Variants in L3MBTL4 observed in about 807,000 individuals in gnomAD.
L3MBTL4 encodes lethal(3)malignant brain tumor-like protein 4.
L3MBTL4 carries 70 observed loss-of-function variants against 84.5 expected under a neutral mutation model. The observed-to-expected ratio is 0.83, with a 90% confidence interval of 0.68 to 1.01. L3MBTL4 has a LOEUF of 1.01. Among genes scored for constraint, L3MBTL4 ranks in the 50% least tolerant of loss-of-function variants. L3MBTL4 has a pLI of 0.00. For missense variants in L3MBTL4, 715 were observed against 754.8 expected (o/e 0.95, Z 0.62); for synonymous variants, 274 against 259.8 (o/e 1.05, Z -0.52).
chr18:6,061,886 T>C (rs1195139170), intron 16 of L3MBTL4, among the ~76,000 whole-genome samples: 1 of 151,948 alleles, frequency 6.6e-6, no homozygotes, highest in Non-Finnish European at 1.5e-5. Flanking sequence ...AAGCACCTTA[T>C]AGCAGAATAT....
chr18:6,189,863 A>G (rs1009136827), intron 12 of L3MBTL4, among the ~76,000 whole-genome samples: 21 of 152,188 alleles, frequency 1.4e-4, no homozygotes, highest in African/African-American at 5.1e-4. Context: ...TAAAAGTAGA[A>G]GAGTTCATGA....
intron 14 of L3MBTL4, among the ~76,000 whole-genome samples, chr18:6,105,086 G>A (rs2058957441): frequency 6.6e-6 from 1 of 151,418 alleles, no homozygotes; most frequent in African/African-American, 2.4e-5. Flanking sequence ...TTTCTTTCAA[G>A]AGAATATGAT....
Position 5,956,098 on chromosome 18 carries a change from T to A in L3MBTL4, c.*122A>T, listed in dbSNP as rs759392264. 117 of 855,936 alleles carry A rather than the reference T, an allele frequency of 1.4e-4. No homozygotes were observed. The highest frequency in any genetic ancestry group is 7.2e-4 in the Middle Eastern group (2 of 2,766). 53.0% of individuals were successfully genotyped at this position (855,936 alleles called of 1,614,324 possible). Reference sequence around the variant, plus strand: ...AAACATGTAAACAAATCACAGACACTTTAAAAAGTCCAGATTCAGTGTGGA... The same window carrying A: ...AAACATGTAAACAAATCACAGACACATTAAAAAGTCCAGATTCAGTGTGGA... On this transcript the variant is annotated 3_prime_UTR_variant, in exon 19 of 19. Coordinates refer to ENST00000317931, the MANE Select transcript of L3MBTL4 (RefSeq NM_001330559.2).
At chr18:5,991,205 C>A (rs1490009332) in intron 16 of L3MBTL4, among the ~76,000 whole-genome samples, 1 of 152,200 alleles carries the variant, frequency 6.6e-6, no homozygotes, top group Non-Finnish European at 1.5e-5. Context: ...CATGCCCGTA[C>A]ATGACTTTCA....
At chr18:6,339,534 T>G (rs2052507206) in intron 1 of L3MBTL4, among the ~76,000 whole-genome samples, 1 of 152,118 alleles carries the variant, frequency 6.6e-6, no homozygotes, top group Non-Finnish European at 1.5e-5. Context: ...ATTATCATCA[T>G]GAGCTAGAAA....
At chr18:6,152,106 C>T (rs949300159) in intron 13 of L3MBTL4, among the ~76,000 whole-genome samples, 1 of 152,006 alleles carries the variant, frequency 6.6e-6, no homozygotes, top group African/African-American at 2.4e-5. Flanking sequence ...TGTACAATAC[C>T]GTATGTTCTT....
chr18:6,335,092 T>C (rs1219069134), intron 1 of L3MBTL4, among the ~76,000 whole-genome samples: 1 of 152,172 alleles, frequency 6.6e-6, no homozygotes, highest in African/African-American at 2.4e-5. Context: ...TTATTTTACT[T>C]TATTTATTCA....
intron 5 of L3MBTL4, among the ~76,000 whole-genome samples, chr18:6,255,905 T>C (rs1321886616): frequency 6.6e-6 from 1 of 152,194 alleles, no homozygotes; most frequent in Admixed American, 6.5e-5. Flanking sequence ...CTGCATTTTA[T>C]AAAAGTACTA....
intron 4 of L3MBTL4, among the ~76,000 whole-genome samples, chr18:6,288,747 A>G (rs2049710664): frequency 6.6e-6 from 1 of 152,064 alleles, no homozygotes; most frequent in Admixed American, 6.6e-5. Context: ...ACTAGCTCTA[A>G]TATCTCACTT....
Position 6,224,301 on chromosome 18 carries a change from T to C in L3MBTL4, c.785-8466A>G, listed in dbSNP as rs118153491. Among the ~76,000 whole-genome samples the C allele has an allele frequency of 7.2e-4, 110 of 152,294 alleles. 3 individuals carry two copies. The East Asian group carries it at 0.02, about 28-fold the overall frequency. ...TCTGTTAAAGAAGAACACATAAATC[T>C]GTTAACATAAGAAGTAGCTAGTTTA... On this transcript the variant is annotated intron_variant, in intron 10 of 18. Coordinates refer to ENST00000317931, the MANE Select transcript of L3MBTL4 (RefSeq NM_001330559.2).
chr18:5,981,869 T>A (rs1329727370), intron 16 of L3MBTL4, among the ~76,000 whole-genome samples: 2 of 152,188 alleles, frequency 1.3e-5, no homozygotes, highest in East Asian at 3.9e-4. Flanking sequence ...TGTTCTGTCA[T>A]CTATTATTCT....
chr18:6,097,487 G>A (rs1598738637), intron 14 of L3MBTL4, among the ~76,000 whole-genome samples: 3 of 152,264 alleles, frequency 2.0e-5, no homozygotes, highest in East Asian at 3.9e-4. Context: ...TTTTGGGTGT[G>A]GTCCAGGAGG....
intron 4 of L3MBTL4, among the ~76,000 whole-genome samples, chr18:6,299,726 G>A (rs2050251711): frequency 6.6e-6 from 1 of 152,138 alleles, no homozygotes; most frequent in African/African-American, 2.4e-5. Flanking sequence ...CTGGAGTGCA[G>A]GGACAAGATC....
intron 1 of L3MBTL4, among the ~76,000 whole-genome samples, chr18:6,392,268 G>C (rs948147611): frequency 3.3e-5 from 5 of 152,190 alleles, no homozygotes; most frequent in Admixed American, 2.0e-4. Context: ...TGGTGCTGGA[G>C]CCAGGCGCAG....
chr18:6,025,198 A>G (rs2055444785), intron 16 of L3MBTL4: 1 of 152,246 alleles, frequency 6.6e-6, no homozygotes, highest in Non-Finnish European at 1.5e-5. Flanking sequence ...ACTGGAACAC[A>G]TAGCTAAGCA....
At chr18:6,396,235 CA>C (rs1193803239) in intron 1 of L3MBTL4, 1 of 152,192 alleles carries the variant, frequency 6.6e-6, no homozygotes, top group Non-Finnish European at 1.5e-5. Context: ...AATGCACAAA[CA>C]GTAATTGTAC....
chr18:6,388,794 G>A (rs2054927673), intron 1 of L3MBTL4, among the ~76,000 whole-genome samples: 1 of 152,192 alleles, frequency 6.6e-6, no homozygotes, highest in Non-Finnish European at 1.5e-5. Context: ...GACACCGGCT[G>A]TGTTGAGACA....
intron 1 of L3MBTL4, among the ~76,000 whole-genome samples, chr18:6,376,961 A>G (rs1453562619): frequency 1.3e-5 from 2 of 152,194 alleles, no homozygotes; most frequent in Non-Finnish European, 2.9e-5. Context: ...CAACTATCTA[A>G]GGACATTAGT....
intron 10 of L3MBTL4, among the ~76,000 whole-genome samples, chr18:6,218,152 G>A (rs2046402224): frequency 6.6e-6 from 1 of 152,040 alleles, no homozygotes. Context: ...AGGCTGCCCG[G>A]GCTGGAATGC....
Sources: gnomAD v4.1 joint callset for allele counts (sites outside exome capture counted in the v4.1 genomes callset) on GRCh38, gnomAD v4.1.1 for gene constraint, MANE v1.5 for transcripts, NCBI Gene and HGNC (gene_info 2026-07-23, HGNC 2026-07-21) for gene names.